Variants in WDR90 observed in about 807,000 individuals in gnomAD.
The protein encoded by WDR90 is WD repeat-containing protein 90.
Under a neutral mutation model 195.2 loss-of-function variants are expected in WDR90, and 238 were observed. The ratio of observed to expected loss-of-function variants is 1.22; its 90% confidence interval spans 1.10 to 1.36. WDR90 has a LOEUF of 1.36. Ranked by LOEUF, WDR90 falls within the 40% of genes most tolerant of loss-of-function variation. The pLI, the probability that WDR90 is intolerant of heterozygous loss-of-function variation, is 0.00. For synonymous variants in WDR90, 1,265 were observed against 1,052.4 expected, an observed-to-expected ratio of 1.20 and a Z score of -3.91; for missense variants, 2,734 against 2,439.5, an observed-to-expected ratio of 1.12 and a Z score of -2.54.
At chr16:664,221 C>T (rs913406897) in intron 34 of WDR90, among the ~76,000 whole-genome samples, 6 of 152,124 alleles carry the variant, frequency 3.9e-5, no homozygotes, top group East Asian at 1.9e-4. Context: ...GCCTGTTCCT[C>T]GGTCGCTCCC....
chr16:652,223 G>A, intron 9 of WDR90, 184 bp downstream of exon 9: 2 of 855,254 alleles, frequency 2.3e-6, no homozygotes, highest in Admixed American at 2.7e-5. Context: ...CAAAGAGTAA[G>A]GCAGGGCTTC....
chr16:661,007 C>CCCTCCCCAGG (rs967840085), intron 28 of WDR90, 44 bp from the exon 29 acceptor site: 2 of 137,722 alleles, frequency 1.5e-5, no homozygotes, highest in Non-Finnish European at 2.4e-5. Context: ...CCCGCCCCCC[C>CCCTCCCCAGG]CCCCCCCCGG....
intron 34 of WDR90, among the ~76,000 whole-genome samples, chr16:663,741 G>GAT (rs2037965325): frequency 6.6e-6 from 1 of 152,222 alleles, no homozygotes; most frequent in Non-Finnish European, 1.5e-5. Context: ...GCCTCATGGG[G>GAT]TTGGGACAGC....
At position 651,043 on chromosome 16, in the gene WDR90, G is replaced by A. The variant is rs377545394; in HGVS notation, c.608G>A (p.Arg203Gln). ...WAKLPVTPMP[R>Q]EMAFPVPKGE... ...AAGCTGCCCGTGACTCCTATGCCTC[G>A]GGAAATGGCATTCCCTGTGCCCAAG... is the stretch of plus-strand genomic sequence containing the variant. The change falls in exon 6 of 41, where the codon CGG becomes CAG. Residue 203 changes from arginine (R) to glutamine (Q), a missense_variant. Transcript: ENST00000293879. 3.5e-5 allele frequency: 56 copies of A among 1,613,324 alleles called. No individual in the cohort carries two copies. The highest frequency in any genetic ancestry group is 1.1e-4 in the African/African-American group (8 of 74,906).
Position 650,237 on chromosome 16 carries a change from C to T in WDR90, c.280-17C>T, listed in dbSNP as rs773136179. On this transcript the variant is annotated splice_polypyrimidine_tract_variant and intron_variant, in intron 3 of 40. Transcript: ENST00000293879. ...CTGCGGCCCCTGTCTCCTCACGGCCCTGCTCCGTCCCCACAGGACAACCAA... is the reference window on the plus strand; with the variant it reads ...CTGCGGCCCCTGTCTCCTCACGGCCTTGCTCCGTCCCCACAGGACAACCAA... 4.3e-6 allele frequency: 7 copies of T among 1,612,526 alleles called. No homozygotes were observed. The highest frequency in any genetic ancestry group is 5.9e-6 in the Non-Finnish European group (7 of 1,179,634).
intron 23 of WDR90, 59 bp downstream of exon 23, chr16:658,712 G>C (rs1323668226): frequency 6.3e-7 from 1 of 1,585,878 alleles, no homozygotes; most frequent in Non-Finnish European, 8.6e-7. Flanking sequence ...GGTGGCCCTG[G>C]AGACCCCTGC....
At chr16:666,837 G>A in intron 39 of WDR90, 45 bp downstream of exon 39, 2 of 1,612,856 alleles carry the variant, frequency 1.2e-6, no homozygotes, top group Non-Finnish European at 1.7e-6. Context: ...CAGGGATCCA[G>A]GGTGGTGGGT....
In WDR90 at chr16:666,316, C is replaced by G. The variant is rs2038040168; in HGVS notation, c.4706C>G (p.Ala1569Gly). ...TFRVLSDHQG[A>G]PISTICVTCK... ...CGTGTGCTGAGTGACCACCAGGGCG[C>G]CCCAATCTCTACCATCTGTGTCACG... Residue 1569 changes from alanine (A) to glycine (G), a missense_variant, in exon 37 of 41, where the codon GCC becomes GGC. By Grantham distance (60) the Ala-to-Gly change is moderately conservative. Coordinates refer to ENST00000293879, the MANE Select transcript of WDR90 (RefSeq NM_145294.5). 1 of 1,612,580 alleles carries G rather than the reference C, an allele frequency of 6.2e-7. No individual in the cohort carries two copies. The highest frequency in any genetic ancestry group is 1.1e-5 in the South Asian group (1 of 91,088).
intron 17 of WDR90, 166 bp downstream of exon 17, chr16:656,055 A>ATGCCG: frequency 1.1e-6 from 1 of 913,614 alleles, no homozygotes; most frequent in Non-Finnish European, 1.6e-6. Context: ...GGCTGATGCC[A>ATGCCG]GGGCGGCCCG....
At chr16:652,112 T>C in intron 9 of WDR90, 73 bp downstream of exon 9, 1 of 1,482,870 alleles carries the variant, frequency 6.7e-7, no homozygotes, top group South Asian at 1.2e-5. Context: ...CGCCCCGAGA[T>C]GCATTCAGAA....
rs759602844 is a variant in WDR90, at chr16:666,315, G to T, written c.4705G>T (p.Ala1569Ser). 8 of 1,612,584 alleles carry T rather than the reference G, an allele frequency of 5.0e-6. No individual in the cohort carries two copies. The African/African-American group carries it at 1.1e-4, about 22-fold the overall frequency. Reference protein sequence around the residue: ...TFRVLSDHQGAPISTICVTCK... With the variant: ...TFRVLSDHQGSPISTICVTCK... ...CCGTGTGCTGAGTGACCACCAGGGC[G>T]CCCCAATCTCTACCATCTGTGTCAC... The change falls in exon 37 of 41, where the codon GCC becomes TCC. Residue 1569 changes from alanine (A) to serine (S), a missense_variant. Ala to Ser is a moderately conservative substitution (Grantham distance 99, BLOSUM62 1). Coordinates refer to ENST00000293879, the MANE Select transcript of WDR90 (RefSeq NM_145294.5).
intron 23 of WDR90, 44 bp downstream of exon 23, chr16:658,697 C>A (rs2037817459): frequency 6.3e-7 from 1 of 1,591,922 alleles, no homozygotes; most frequent in Non-Finnish European, 8.6e-7. Context: ...TCAGGAGCCT[C>A]CTCAGGTGGC....
chr16:656,599 C>T (rs1216992470), intron 18 of WDR90, 62 bp downstream of exon 18: 2 of 1,574,106 alleles, frequency 1.3e-6, no homozygotes, highest in African/African-American at 1.3e-5. Flanking sequence ...TGGGGTTTGT[C>T]AGCGGGGGTG....
Position 665,854 on chromosome 16 carries a change from G to A in WDR90, c.4434+53G>A, listed in dbSNP as rs1391731035. 7 of 1,552,188 alleles carry A rather than the reference G, an allele frequency of 4.5e-6. No individual in the cohort carries two copies. In the African/African-American group the frequency reaches 6.8e-5, roughly 15 times the overall value. Reference sequence around the variant, plus strand: ...CGGGATGGGGGCCTGCTCAGTGGGGGGCCTGGCATGGGCGGGGCCGCCTCC... The same window carrying A: ...CGGGATGGGGGCCTGCTCAGTGGGGAGCCTGGCATGGGCGGGGCCGCCTCC... On this transcript the variant is annotated intron_variant, in intron 35 of 40. Coordinates refer to ENST00000293879, the MANE Select transcript of WDR90 (RefSeq NM_145294.5).
Position 661,009 on chromosome 16 carries a change from CCCCCCCG to C in WDR90, c.3392-41_3392-35del, listed in dbSNP as rs1567220671. ...CCCCAGGCCCCTCCCCGCCCCCCCCCCCCCCCGGCCCGGCCTCAGGCCCCGCCCTCTC... is the reference window on the plus strand; with the variant it reads ...CCCCAGGCCCCTCCCCGCCCCCCCCCGCCCGGCCTCAGGCCCCGCCCTCTC... On this transcript the variant is annotated intron_variant, in intron 28 of 40. Transcript: ENST00000293879. 620 of 132,380 alleles carry C rather than the reference CCCCCCCG, an allele frequency of 4.7e-3. 43 individuals are homozygous for C. The East Asian group carries it at 0.057, about 12-fold the overall frequency. 8.2% of individuals were successfully genotyped at this position (132,380 alleles called of 1,614,324 possible). A position where few individuals can be genotyped will look rare whatever the true frequency, so the allele number is the denominator to read the frequency against.
chr16:653,531 G>T lies in WDR90; in HGVS notation c.1240G>T (p.Ala414Ser). The change falls in exon 12 of 41, where the codon GCC becomes TCC. Residue 414 changes from alanine (A) to serine (S), a missense_variant. Transcript: ENST00000293879. ...TCACCCTTCTGCCTCCTAGGTCTCC[G>T]CCCTGGCGCTGGATGGCAGCAGCTC... ...FFLGHTDKVS[A>S]LALDGSSSLL... The T allele has an allele frequency of 1.9e-6, 3 of 1,613,184 alleles. No homozygotes were observed. Among genetic ancestry groups the T allele is most frequent in the Non-Finnish European group, 2.5e-6 (3 of 1,179,774 alleles).
chr16:649,907 G>T, intron 2 of WDR90, 53 bp downstream of exon 2: 1 of 1,589,662 alleles, frequency 6.3e-7, no homozygotes, highest in Non-Finnish European at 8.6e-7. Context: ...GCCCCCAGGA[G>T]AGCTGCCCCG....
In WDR90 at chr16:651,056, C is replaced by T. The variant is rs1327815358; in HGVS notation, c.621C>T (p.Phe207=). Residue 207 remains phenylalanine, a synonymous_variant, in exon 6 of 41, where the codon TTC becomes TTT. Coordinates refer to ENST00000293879, the MANE Select transcript of WDR90 (RefSeq NM_145294.5). ...CTCCTATGCCTCGGGAAATGGCATT[C>T]CCTGTGCCCAAGGGAGAGAGCTGGC... ...PVTPMPREMA[F]PVPKGESWHD... 4 of 1,613,458 alleles carry T rather than the reference C, an allele frequency of 2.5e-6. No homozygotes were observed. Among genetic ancestry groups the T allele is most frequent in the African/African-American group, 2.7e-5 (2 of 74,928 alleles).
chr16:661,306 G>T, intron 29 of WDR90, 36 bp from the exon 30 acceptor site: 1 of 1,558,294 alleles, frequency 6.4e-7, no homozygotes, highest in Non-Finnish European at 8.7e-7. Flanking sequence ...AGCCAGCCAC[G>T]GCCTCCCCAC....
Sources: gnomAD v4.1 joint callset for allele counts (sites outside exome capture counted in the v4.1 genomes callset) on GRCh38, gnomAD v4.1.1 for gene constraint, MANE v1.5 for transcripts, NCBI Gene and HGNC (gene_info 2026-07-23, HGNC 2026-07-21) for gene names.